The following ULK4 variants were observed in gnomAD, a reference collection of about 807,000 sequenced individuals.
ULK4 encodes the protein inactive serine/threonine-protein kinase ULK4.
ULK4 carries 133 observed loss-of-function variants against 160.6 expected under a neutral mutation model. The observed-to-expected ratio is 0.83, with a 90% CI of 0.72 to 0.96. ULK4 has a LOEUF of 0.96. Ranked by LOEUF, ULK4 falls within the 40% of genes least tolerant of loss-of-function variation. The probability of loss-of-function intolerance (pLI) is 0.00; values close to 1 mark genes in which losing one functional copy is unlikely to be tolerated. For missense variants in ULK4, 1,580 were observed against 1,499.5 expected (o/e 1.05, Z -0.89); for synonymous variants, 534 against 539.8 (o/e 0.99, Z 0.15).
At chr3:41,542,259 C>A (rs1328031932) in intron 32 of ULK4, among the ~76,000 whole-genome samples, 1 of 152,168 alleles carries the variant, frequency 6.6e-6, no homozygotes. Flanking sequence ...GCCTTTTCTG[C>A]ATCTATTGAG....
rs148711809 is a variant in ULK4, at chr3:41,628,329, ATATT to A, written c.3072-12616_3072-12613del. Among the ~76,000 whole-genome samples, 19 of 152,328 alleles carry A rather than the reference ATATT, an allele frequency of 1.2e-4. No homozygotes were observed. In the East Asian group the frequency reaches 2.9e-3, roughly 23 times the overall value. ...TATTTATACAGTACCTCCCCATAAG[ATATT>A]TATAATATCTGAGAAACCTGGCAAA... On this transcript the variant is annotated intron_variant, in intron 30 of 36. Coordinates refer to ENST00000301831, the MANE Select transcript of ULK4 (RefSeq NM_017886.4).
At chr3:41,856,618 CAT>C (rs200681879) in intron 17 of ULK4, among the ~76,000 whole-genome samples, 18 of 91,162 alleles carry the variant, frequency 2.0e-4, no homozygotes, top group South Asian at 1.8e-3. Flanking sequence ...TATATATACA[CAT>C]ATATATATAT....
chr3:41,424,831 C>CAAAAAAAAAAAAAAAAAAAAAAAAAAAA (rs36097613), intron 34 of ULK4, among the ~76,000 whole-genome samples: 1 of 62,402 alleles, frequency 1.6e-5, no homozygotes, highest in African/African-American at 6.5e-5. Context: ...AAGAAATCAT[C>CAAAAAAAAAAAAAAAAAAAAAAAAAAAA]AAAAAAAAAA....
intron 31 of ULK4, among the ~76,000 whole-genome samples, chr3:41,574,003 T>G (rs1050009332): frequency 6.6e-6 from 1 of 152,146 alleles, no homozygotes; most frequent in East Asian, 1.9e-4. Context: ...ACCAACATGG[T>G]GAAATCCCAT....
At chr3:41,511,678 C>T (rs1409381836) in intron 32 of ULK4, among the ~76,000 whole-genome samples, 1 of 152,028 alleles carries the variant, frequency 6.6e-6, no homozygotes, top group Non-Finnish European at 1.5e-5. Flanking sequence ...AAGTCCAGTA[C>T]CAGACAGATT....
intron 17 of ULK4, among the ~76,000 whole-genome samples, chr3:41,868,081 G>C (rs770775911): frequency 6.6e-6 from 1 of 152,096 alleles, no homozygotes; most frequent in Non-Finnish European, 1.5e-5. Context: ...CAAAATAAAG[G>C]TATTGTATAA....
At chr3:41,400,832 C>T (rs2082164721) in intron 34 of ULK4, among the ~76,000 whole-genome samples, 1 of 152,182 alleles carries the variant, frequency 6.6e-6, no homozygotes, top group African/African-American at 2.4e-5. Context: ...TCAGCATCTC[C>T]CCTAGCACTT....
intron 32 of ULK4, among the ~76,000 whole-genome samples, chr3:41,495,156 C>G (rs1282315330): frequency 6.6e-6 from 1 of 152,208 alleles, no homozygotes; most frequent in Non-Finnish European, 1.5e-5. Flanking sequence ...AAGCTGGAGG[C>G]ATCACACTAC....
Position 41,855,187 on chromosome 3 carries a change from C to A in ULK4, c.1657-19216G>T, listed in dbSNP as rs574517190. On this transcript the variant is annotated intron_variant, in intron 17 of 36. Coordinates refer to ENST00000301831, the MANE Select transcript of ULK4 (RefSeq NM_017886.4). ...AGTAACAATGCTCTGCGTCTTCTTA[C>A]CAATATAGGGTACCTTGACCACGAC... 2.1e-5 allele frequency among the ~76,000 whole-genome samples: 3 copies of A among 142,894 alleles called. No homozygotes were observed. The South Asian group carries it at 6.2e-4, about 30-fold the overall frequency. The allele number at this position is 142,894 out of a possible 152,430, so 93.7% of individuals were successfully genotyped here.
chr3:41,856,951 T>C lies in ULK4; in HGVS notation c.1657-20980A>G, dbSNP rs2042378207. ...AGACTAAGCCAATTAGTCTTCTAAT[T>C]GCTTCTCTTCACTTCTCACAGCTTT... On this transcript the variant is annotated intron_variant, in intron 17 of 36. Transcript: ENST00000301831. 4.6e-5 allele frequency among the ~76,000 whole-genome samples: 7 copies of C among 151,912 alleles called. No individual in the cohort carries two copies. The South Asian group carries it at 1.5e-3, about 32-fold the overall frequency.
chr3:41,459,552 A>C (rs2083635717), intron 33 of ULK4, among the ~76,000 whole-genome samples: 1 of 152,240 alleles, frequency 6.6e-6, no homozygotes, highest in African/African-American at 2.4e-5. Context: ...GTTTAACTAA[A>C]AGGATGACAA....
At chr3:41,889,670 T>C (rs7609584) in intron 16 of ULK4, among the ~76,000 whole-genome samples, 4,372 of 152,300 alleles carry the variant, frequency 0.029, 207 homozygotes, top group African/African-American at 0.1. Flanking sequence ...CTGTATTATG[T>C]ACCCCTGAAC....
chr3:41,691,816 G>A (rs998380527), intron 27 of ULK4, among the ~76,000 whole-genome samples: 3 of 151,334 alleles, frequency 2.0e-5, no homozygotes, highest in Admixed American at 6.6e-5. Context: ...TCTGCATTTT[G>A]AGAAATCAAA....
intron 35 of ULK4, among the ~76,000 whole-genome samples, chr3:41,390,219 C>T (rs1217200192): frequency 6.6e-6 from 1 of 152,006 alleles, no homozygotes; most frequent in Admixed American, 6.6e-5. Flanking sequence ...GTGGTGATAT[C>T]CCCTTTGTCA....
chr3:41,590,905 C>T (rs1219327445), intron 31 of ULK4, among the ~76,000 whole-genome samples: 1 of 151,700 alleles, frequency 6.6e-6, no homozygotes, highest in African/African-American at 2.4e-5. Flanking sequence ...GGAAAAAAAG[C>T]TTTTTGAAGA....
intron 35 of ULK4, among the ~76,000 whole-genome samples, chr3:41,393,281 G>A (rs1255433221): frequency 2.0e-5 from 3 of 152,130 alleles, no homozygotes; most frequent in Non-Finnish European, 4.4e-5. Context: ...ATTCAATTAA[G>A]ATGCTGCCAG....
At chr3:41,466,043 A>G (rs1200307433) in intron 32 of ULK4, among the ~76,000 whole-genome samples, 3 of 152,116 alleles carry the variant, frequency 2.0e-5, no homozygotes, top group Non-Finnish European at 4.4e-5. Context: ...AATAATATAT[A>G]TTATGGGTTT....
chr3:41,912,756 G>A (rs1452444272), intron 9 of ULK4, 51 bp downstream of exon 9: 5 of 1,489,128 alleles, frequency 3.4e-6, no homozygotes, highest in East Asian at 2.3e-5. Flanking sequence ...ACAGTAATGG[G>A]CTTAAGTGTC....
chr3:41,641,884 T>C (rs937200298), intron 30 of ULK4, among the ~76,000 whole-genome samples: 29 of 151,578 alleles, frequency 1.9e-4, no homozygotes, highest in African/African-American at 6.8e-4. Flanking sequence ...TTTTTTTTTT[T>C]TTTTCTTTGA....
Sources: allele counts gnomAD v4.1 joint callset (sites outside exome capture counted in the v4.1 genomes callset), GRCh38; gene constraint gnomAD v4.1.1; transcripts MANE v1.5; gene names NCBI Gene and HGNC (gene_info 2026-07-23, HGNC 2026-07-21).